HPSE2: variants seen among roughly 807,000 people sequenced by gnomAD.
HPSE2 encodes heparanase 2 (inactive).
Under a neutral mutation model 60.5 loss-of-function variants are expected in HPSE2, and 38 were observed. The ratio of observed to expected loss-of-function variants is 0.63; its 90% CI spans 0.48 to 0.82. The LOEUF (loss-of-function observed/expected upper bound fraction) is 0.82. Ranked by LOEUF, HPSE2 falls within the 40% of genes least tolerant of loss-of-function variation. HPSE2 has a pLI of 0.00. For synonymous variants in HPSE2, 295 were observed against 293.2 expected (o/e 1.01, Z -0.06); for missense variants, 713 against 740.4 (o/e 0.96, Z 0.43).
chr10:99,115,832 T>C (rs1168191637), intron 3 of HPSE2, among the ~76,000 whole-genome samples: 1 of 152,214 alleles, frequency 6.6e-6, no homozygotes, highest in Non-Finnish European at 1.5e-5. Context: ...TACTTAAAAT[T>C]TGACTTAAAA....
chr10:99,137,650 T>C (rs1388590566), intron 3 of HPSE2, among the ~76,000 whole-genome samples: 4 of 152,162 alleles, frequency 2.6e-5, no homozygotes, highest in Admixed American at 2.0e-4. Context: ...GGGAAAAGAT[T>C]CCCTATTTAA....
intron 2 of HPSE2, among the ~76,000 whole-genome samples, chr10:99,213,333 G>T (rs1849011810): frequency 6.6e-6 from 1 of 152,034 alleles, no homozygotes; most frequent in African/African-American, 2.4e-5. Flanking sequence ...CAACATTGAT[G>T]ATTTGCTTCA....
intron 9 of HPSE2, among the ~76,000 whole-genome samples, chr10:98,592,958 T>C (rs942310740): frequency 6.6e-6 from 1 of 152,212 alleles, no homozygotes; most frequent in Non-Finnish European, 1.5e-5. Context: ...CAGGATTCTT[T>C]TATGCAGCAG....
intron 3 of HPSE2, among the ~76,000 whole-genome samples, chr10:99,028,754 C>T (rs867233554): frequency 1.3e-5 from 2 of 152,056 alleles, no homozygotes; most frequent in African/African-American, 4.8e-5. Context: ...GATACAGTAA[C>T]CAAAACAGCA....
chr10:98,908,683 CAA>C (rs35913499), intron 3 of HPSE2, among the ~76,000 whole-genome samples: 3,302 of 65,408 alleles, frequency 0.05, 18 homozygotes, highest in Middle Eastern at 0.13. Context: ...AGCTCCATCT[CAA>C]AAAAAAAAAA....
intron 3 of HPSE2, among the ~76,000 whole-genome samples, chr10:98,909,437 T>C (rs543549040): frequency 5.1e-4 from 78 of 151,720 alleles, no homozygotes; most frequent in Non-Finnish European, 7.4e-4. Flanking sequence ...AAGACTAGTC[T>C]GGCCAACATG....
rs188684364 is a variant in HPSE2 at position 98,949,765 on chromosome 10, T to C, written c.610+194473A>G. ...ATAGGAAACCTAAAGTTCAAAAAAATTAAGTAAGATTATGAAGTCAGTTAG... is the reference window on the plus strand; with the variant it reads ...ATAGGAAACCTAAAGTTCAAAAAAACTAAGTAAGATTATGAAGTCAGTTAG... On this transcript the variant is annotated intron_variant, in intron 3 of 11. Transcript: ENST00000370552. Among the ~76,000 whole-genome samples the C allele has an allele frequency of 2.2e-3, 333 of 152,188 alleles. 1 individual carries two copies. Among genetic ancestry groups the C allele is most frequent in the Middle Eastern group, 0.01 (3 of 294 alleles).
chr10:98,962,718 G>A (rs1163421452), intron 3 of HPSE2, among the ~76,000 whole-genome samples: 2 of 149,636 alleles, frequency 1.3e-5, no homozygotes, highest in Non-Finnish European at 3.0e-5. Context: ...AAGCTGATAA[G>A]CAACTTCAGC....
At chr10:98,531,943 A>G (rs971824220) in intron 9 of HPSE2, among the ~76,000 whole-genome samples, 4 of 152,202 alleles carry the variant, frequency 2.6e-5, no homozygotes, top group East Asian at 1.9e-4. Flanking sequence ...ATTAATACTT[A>G]TAAGTACTCC....
chr10:98,619,874 C>A (rs1005286075), intron 8 of HPSE2, among the ~76,000 whole-genome samples: 3 of 152,098 alleles, frequency 2.0e-5, no homozygotes, highest in African/African-American at 7.2e-5. Context: ...TGTAGACAGA[C>A]CATGTGAGGA....
intron 7 of HPSE2, among the ~76,000 whole-genome samples, chr10:98,640,183 G>T (rs1445944277): frequency 6.6e-6 from 1 of 152,174 alleles, no homozygotes; most frequent in African/African-American, 2.4e-5. Flanking sequence ...TACCTTGAGG[G>T]CAGAGACCAT....
At chr10:98,617,246 A>G (rs186014062) in intron 8 of HPSE2, among the ~76,000 whole-genome samples, 1 of 152,336 alleles carries the variant, frequency 6.6e-6, no homozygotes, top group African/African-American at 2.4e-5. Context: ...ATTCAATAAC[A>G]TTAGTCAATG....
chr10:98,834,175 A>C (rs565335177), intron 3 of HPSE2, among the ~76,000 whole-genome samples: 11 of 152,300 alleles, frequency 7.2e-5, no homozygotes, highest in African/African-American at 2.4e-4. Flanking sequence ...CCTTACTATA[A>C]GGACTCAGAA....
chr10:98,725,157 C>G (rs1474034504), intron 4 of HPSE2, among the ~76,000 whole-genome samples: 2 of 152,018 alleles, frequency 1.3e-5, no homozygotes, highest in East Asian at 3.9e-4. Context: ...TCATATGGAA[C>G]CAAAAAAGAG....
At chr10:99,224,123 GCTTATATACA>G (rs1315018968) in intron 2 of HPSE2, among the ~76,000 whole-genome samples, 1 of 151,926 alleles carries the variant, frequency 6.6e-6, no homozygotes, top group Non-Finnish European at 1.5e-5. Context: ...ACTAAGTCTG[GCTTATATACA>G]ACTGATAATC....
the HPSE2 span, among the ~76,000 whole-genome samples, chr10:99,287,104 G>A: frequency 6.6e-6 from 1 of 152,050 alleles, no homozygotes; most frequent in Non-Finnish European, 1.5e-5. Flanking sequence ...CCCTAGAGCA[G>A]AATTCATTAA....
chr10:99,208,627 G>T (rs575927756), intron 2 of HPSE2, among the ~76,000 whole-genome samples: 30 of 151,550 alleles, frequency 2.0e-4, no homozygotes, highest in African/African-American at 7.2e-4. Context: ...CGAGGCTGCA[G>T]TCAGCCATGA....
chr10:99,194,168 C>T (rs1286767238), intron 2 of HPSE2, among the ~76,000 whole-genome samples: 1 of 151,926 alleles, frequency 6.6e-6, no homozygotes, highest in East Asian at 1.9e-4. Flanking sequence ...ATGTTCCTAA[C>T]TTATTGGCAG....
intron 3 of HPSE2, among the ~76,000 whole-genome samples, chr10:99,128,223 C>G (rs550232706): frequency 2.6e-5 from 4 of 152,170 alleles, no homozygotes; most frequent in South Asian, 2.1e-4. Context: ...AAAAATCCAC[C>G]AAACTGGGAA....
Sources: gnomAD v4.1 joint callset for allele counts (sites outside exome capture counted in the v4.1 genomes callset) on GRCh38, gnomAD v4.1.1 for gene constraint, MANE v1.5 for transcripts, NCBI Gene and HGNC (gene_info 2026-07-23, HGNC 2026-07-21) for gene names.